Variants in ENKUR observed in about 807,000 individuals in gnomAD.
The protein encoded by ENKUR is enkurin, TRPC channel interacting protein, also known as enkurin.
A neutral mutation model predicts 27.6 loss-of-function variants in ENKUR; 19 were observed. The ratio of observed to expected loss-of-function variants is 0.69; its 90% CI spans 0.48 to 1.01. ENKUR has a LOEUF of 1.01. Among genes scored for constraint, ENKUR ranks in the 50% least tolerant of loss-of-function variants. The pLI is 0.00. For missense variants in ENKUR, 312 were observed against 310.5 expected, an observed-to-expected ratio of 1.00 and a Z score of -0.04; for synonymous variants, 117 against 96.9, an observed-to-expected ratio of 1.21 and a Z score of -1.22.
chr10:25,029,982 C>T (rs1383610754), intron 2 of ENKUR, among the ~76,000 whole-genome samples: 1 of 152,146 alleles, frequency 6.6e-6, no homozygotes, highest in Non-Finnish European at 1.5e-5. Flanking sequence ...CTCTTTGTTT[C>T]TTAGATCTGA....
intron 2 of ENKUR, among the ~76,000 whole-genome samples, chr10:25,057,793 A>G (rs892846842): frequency 6.6e-6 from 1 of 152,088 alleles, no homozygotes; most frequent in Non-Finnish European, 1.5e-5. Context: ...GGCAGCCTGC[A>G]CCTGTGTTTG....
intron 1 of ENKUR, among the ~76,000 whole-genome samples, chr10:25,015,190 C>A (rs1232204906): frequency 2.6e-5 from 4 of 152,144 alleles, no homozygotes; most frequent in Non-Finnish European, 5.9e-5. Flanking sequence ...TTCCTTTGCA[C>A]GTTTTTGAGA....
At chr10:25,054,387 A>G (rs988954702) in intron 2 of ENKUR, among the ~76,000 whole-genome samples, 2 of 152,208 alleles carry the variant, frequency 1.3e-5, no homozygotes, top group Non-Finnish European at 2.9e-5. Context: ...ACGCCATTGC[A>G]TTACAGCTTG....
intron 1 of ENKUR, among the ~76,000 whole-genome samples, chr10:25,008,593 C>A (rs892768784): frequency 6.6e-6 from 1 of 152,164 alleles, no homozygotes; most frequent in Non-Finnish European, 1.5e-5. Flanking sequence ...TACAATTAAT[C>A]ACAATGAAAA....
At chr10:25,044,975 C>T (rs1204188430) in intron 2 of ENKUR, among the ~76,000 whole-genome samples, 2 of 152,230 alleles carry the variant, frequency 1.3e-5, no homozygotes, top group South Asian at 2.1e-4. Flanking sequence ...GATGCCTCAG[C>T]TCAGCAAAGT....
chr10:25,025,606 A>G, intron 2 of ENKUR: 1 of 728,280 alleles, frequency 1.4e-6, no homozygotes, highest in Non-Finnish European at 2.2e-6. Context: ...GGCTGACATG[A>G]GAACTCCATG....
intron 1 of ENKUR, among the ~76,000 whole-genome samples, chr10:25,004,120 T>G (rs933174660): frequency 6.6e-6 from 1 of 152,254 alleles, no homozygotes; most frequent in Admixed American, 6.5e-5. Flanking sequence ...TCTTGTTTTA[T>G]GGCTGAATAG....
upstream of ENKUR, among the ~76,000 whole-genome samples, chr10:25,017,531 A>G (rs1367974585): frequency 1.4e-5 from 2 of 146,038 alleles, no homozygotes. Flanking sequence ...TGAACCTTTT[A>G]GTTCCTGTAT....
At chr10:25,003,000 T>C (rs1200532078) in intron 1 of ENKUR, among the ~76,000 whole-genome samples, 1 of 152,058 alleles carries the variant, frequency 6.6e-6, no homozygotes, top group African/African-American at 2.4e-5. Flanking sequence ...TGTAGGTATA[T>C]GAACTGAAAG....
intron 2 of ENKUR, among the ~76,000 whole-genome samples, chr10:25,057,380 TACACACACACACACAC>T (rs139515865): frequency 1.8e-4 from 21 of 117,808 alleles, no homozygotes; most frequent in South Asian, 6.0e-4. Flanking sequence ...TGCACTTTGG[TACACACACACACACAC>T]ACACACACAC....
At chr10:25,011,109 G>A (rs1850433994) in intron 1 of ENKUR, among the ~76,000 whole-genome samples, 2 of 151,334 alleles carry the variant, frequency 1.3e-5, no homozygotes, top group South Asian at 4.2e-4. Context: ...AGCACCTGTT[G>A]TTTCCTGACT....
chr10:25,032,293 G>A (rs919020593), intron 2 of ENKUR, among the ~76,000 whole-genome samples: 4 of 139,966 alleles, frequency 2.9e-5, no homozygotes, highest in Non-Finnish European at 4.5e-5. Flanking sequence ...ATCCTCCAGG[G>A]AATTAGAATC....
At chr10:25,043,828 T>A (rs1241984335) in intron 2 of ENKUR, among the ~76,000 whole-genome samples, 1 of 152,108 alleles carries the variant, frequency 6.6e-6, no homozygotes, top group East Asian at 1.9e-4. Context: ...GACTAGTCTT[T>A]AGTTAACTGA....
chr10:25,057,712 C>T (rs1851277303), intron 2 of ENKUR, among the ~76,000 whole-genome samples: 1 of 152,074 alleles, frequency 6.6e-6, no homozygotes, highest in South Asian at 2.1e-4. Flanking sequence ...CATTGCCTCC[C>T]AATAGTGTTG....
At chr10:25,059,696 C>T (rs1851305318) in intron 2 of ENKUR, among the ~76,000 whole-genome samples, 1 of 152,156 alleles carries the variant, frequency 6.6e-6, no homozygotes, top group South Asian at 2.1e-4. Context: ...TGGCTCACGC[C>T]TGTAAGCCTG....
intron 1 of ENKUR, among the ~76,000 whole-genome samples, chr10:25,011,056 C>T (rs1253194912): frequency 6.7e-6 from 1 of 149,196 alleles, no homozygotes; most frequent in Non-Finnish European, 1.5e-5. Flanking sequence ...TTTACAGTCC[C>T]ACCAACAGTG....
intron 2 of ENKUR, among the ~76,000 whole-genome samples, chr10:25,029,956 C>T (rs553838364): frequency 1.1e-3 from 167 of 152,272 alleles, no homozygotes; most frequent in Non-Finnish European, 1.7e-3. Context: ...AGCTGCTTTT[C>T]TTTTTAAAAT....
At chr10:25,050,152 G>A (rs1446845017) in intron 2 of ENKUR, among the ~76,000 whole-genome samples, 1 of 152,120 alleles carries the variant, frequency 6.6e-6, no homozygotes, top group Non-Finnish European at 1.5e-5. Flanking sequence ...CCAAGGGGAT[G>A]GTGCCAAACC....
intron 2 of ENKUR, among the ~76,000 whole-genome samples, chr10:25,059,132 CTTTTT>C (rs759162602): frequency 8.3e-6 from 1 of 120,542 alleles, no homozygotes. Flanking sequence ...CTTTTTCTTT[CTTTTT>C]TTTTTTTTTT....
Sources: allele counts gnomAD v4.1 joint callset (sites outside exome capture counted in the v4.1 genomes callset), GRCh38; gene constraint gnomAD v4.1.1; transcripts MANE v1.5; gene names NCBI Gene and HGNC (gene_info 2026-07-23, HGNC 2026-07-21).